The following TPPP variants were observed in gnomAD, a reference collection of about 807,000 sequenced individuals.
The protein encoded by TPPP is tubulin polymerization-promoting protein.
Under a neutral mutation model 15.5 loss-of-function variants are expected in TPPP, and 6 were observed. The observed-to-expected ratio is 0.39, with a 90% CI of 0.21 to 0.77. The LOEUF (loss-of-function observed/expected upper bound fraction) is 0.77, where lower values mean the gene tolerates loss of function less well. TPPP is among the 30% of genes least tolerant of loss of function. TPPP has a pLI of 0.42. For synonymous variants in TPPP, 146 were observed against 133.9 expected, an observed-to-expected ratio of 1.09 and a Z score of -0.63; for missense variants, 269 against 307.2, an observed-to-expected ratio of 0.88 and a Z score of 0.93.
Position 677,869 on chromosome 5 carries a change from G to C in TPPP, c.192C>G (p.Ala64=). ...AFRRFAVHGD[A]RATGREMHGK... The stretch of plus-strand genomic sequence containing the variant: ...CGTGCATCTCCCTCCCGGTGGCCCT[G>C]GCGTCCCCGTGCACGGCAAAGCGCC... Residue 64 remains alanine (A), a synonymous_variant, in exon 2 of 4, where the codon GCC becomes GCG. Transcript: ENST00000360578. 1 of 1,612,790 alleles carries C rather than the reference G, an allele frequency of 6.2e-7. No homozygotes were observed. Among genetic ancestry groups the C allele is most frequent in the East Asian group, 2.2e-5 (1 of 44,870 alleles).
At chr5:676,576 A>T (rs1740439779) in intron 2 of TPPP, 2 of 152,294 alleles carry the variant, frequency 1.3e-5, no homozygotes. Context: ...ACGCAGGTGC[A>T]AACCACCGAA....
At chr5:692,539 C>A (rs971337400) in intron 1 of TPPP, 1 of 978,254 alleles carries the variant, frequency 1.0e-6, no homozygotes, top group African/African-American at 1.8e-5. Flanking sequence ...CCGCCACTGC[C>A]CGGGAGGGAC....
intron 2 of TPPP, among the ~76,000 whole-genome samples, chr5:674,666 G>C (rs1740341769): frequency 6.6e-6 from 1 of 152,052 alleles, no homozygotes; most frequent in Admixed American, 6.5e-5. Flanking sequence ...GCCAGCAGCT[G>C]GCTGGGGCCA....
intron 2 of TPPP, among the ~76,000 whole-genome samples, chr5:668,730 A>G (rs528734785): frequency 6.6e-6 from 1 of 152,358 alleles, no homozygotes; most frequent in African/African-American, 2.4e-5. Flanking sequence ...ACATAAACGC[A>G]AATGTTTACC....
chr5:666,751 C>T (rs2126869046), intron 2 of TPPP: 1 of 152,444 alleles, frequency 6.6e-6, no homozygotes, highest in East Asian at 1.9e-4. Flanking sequence ...ACAGTCCACG[C>T]CTTACAACAT....
chr5:665,379 G>A (rs1301391740), intron 3 of TPPP, 83 bp from the exon 4 acceptor site: 4 of 1,362,138 alleles, frequency 2.9e-6, no homozygotes, highest in East Asian at 4.9e-5. Flanking sequence ...CCCTGGGCAG[G>A]TCTCCCAGCG....
At position 669,180 on chromosome 5, in the gene TPPP, G is replaced by A. The variant is rs374334261; in HGVS notation, c.312-3057C>T. On this transcript the variant is annotated intron_variant, in intron 2 of 3. Coordinates refer to ENST00000360578, the MANE Select transcript of TPPP (RefSeq NM_007030.3). The stretch of plus-strand genomic sequence containing the variant: ...CTTTGGGGAGACAGAGCCCCAGGGC[G>A]GGGCCTGGACTGCTGAGGGCAGCCA... Among the ~76,000 whole-genome samples, 371 of 152,316 alleles carry A rather than the reference G, an allele frequency of 2.4e-3. 3 individuals are homozygous for A. The highest frequency in any genetic ancestry group is 8.1e-3 in the South Asian group (39 of 4,830).
At chr5:685,348 C>T (rs890926140) in intron 1 of TPPP, among the ~76,000 whole-genome samples, 1 of 152,236 alleles carries the variant, frequency 6.6e-6, no homozygotes, top group Admixed American at 6.5e-5. Flanking sequence ...GGGTGGAGTC[C>T]TGTGGCAGCG....
upstream of TPPP, among the ~76,000 whole-genome samples, chr5:696,379 G>A (rs1741011557): frequency 7.1e-6 from 1 of 141,498 alleles, no homozygotes; most frequent in Admixed American, 7.1e-5. Context: ...CCGGGTCCCA[G>A]CACTGAGGTG....
At chr5:692,490 GACA>G in intron 1 of TPPP, 3 of 878,092 alleles carry the variant, frequency 3.4e-6, no homozygotes, top group Non-Finnish European at 4.0e-6. Flanking sequence ...CCCCCATCAA[GACA>G]ACAGCCCCCC....
At chr5:676,431 A>G (rs12519390) in intron 2 of TPPP, 18,097 of 152,244 alleles carry the variant, frequency 0.12, 1,398 homozygotes, top group South Asian at 0.18. Flanking sequence ...ACAGCCTTCC[A>G]CACAGGGGCA....
At chr5:693,606 G>A (rs547023117), upstream of TPPP, among the ~76,000 whole-genome samples, 139 of 151,886 alleles carry the variant, frequency 9.2e-4, 2 homozygotes, top group African/African-American at 3.3e-3. Flanking sequence ...GGGCGCGGCC[G>A]ACCCGCGGGT....
intron 1 of TPPP, among the ~76,000 whole-genome samples, chr5:693,024 G>A (rs1242356762): frequency 2.0e-5 from 3 of 150,364 alleles, no homozygotes; most frequent in African/African-American, 7.3e-5. Flanking sequence ...TCCCTGGCGC[G>A]GCCGACGGTG....
At chr5:694,219 G>A (rs72502105), upstream of TPPP, among the ~76,000 whole-genome samples, 17,054 of 148,960 alleles carry the variant, frequency 0.11, 679 homozygotes, top group East Asian at 0.22. Flanking sequence ...GCCCTCCGCA[G>A]GAGTTGGCTC....
At chr5:684,368 C>T (rs72707053) in intron 1 of TPPP, among the ~76,000 whole-genome samples, 18,107 of 152,280 alleles carry the variant, frequency 0.12, 1,396 homozygotes, top group South Asian at 0.18. Context: ...CACTGCAGGG[C>T]GCCTCCTGGG....
chr5:675,342 GGGGTGCAGTGTGGGGGT>G (rs1740382316), intron 2 of TPPP, among the ~76,000 whole-genome samples: 1 of 116,586 alleles, frequency 8.6e-6, no homozygotes, highest in Non-Finnish European at 1.8e-5. Flanking sequence ...AGTGTGGCTG[GGGGTGCAGTGTGGGGGT>G]GTGCAGTGTG....
intron 2 of TPPP, among the ~76,000 whole-genome samples, chr5:671,179 C>G (rs72707027): frequency 0.12 from 18,859 of 151,406 alleles, 1,497 homozygotes; most frequent in South Asian, 0.18. Context: ...CTGTCTCCCT[C>G]TGGGCGCACA....
intron 1 of TPPP, among the ~76,000 whole-genome samples, chr5:684,964 C>A (rs1740727910): frequency 6.6e-6 from 1 of 152,192 alleles, no homozygotes; most frequent in Non-Finnish European, 1.5e-5. Flanking sequence ...GGGAGCACAC[C>A]CCACCCAGAG....
chr5:692,025 T>C (rs565072187), intron 1 of TPPP, among the ~76,000 whole-genome samples: 332 of 10,602 alleles, frequency 0.031, no homozygotes, highest in Non-Finnish European at 0.033. Flanking sequence ...AACAGCAGCC[T>C]CCCAACCCCT....
Sources: gnomAD v4.1 joint callset for allele counts (sites outside exome capture counted in the v4.1 genomes callset) on GRCh38, gnomAD v4.1.1 for gene constraint, MANE v1.5 for transcripts, NCBI Gene and HGNC (gene_info 2026-07-23, HGNC 2026-07-21) for gene names.